The following LIX1 variants were observed in gnomAD, a reference collection of about 807,000 sequenced individuals.
The protein encoded by LIX1 is protein limb expression 1 homolog.
A neutral mutation model predicts 33.4 loss-of-function variants in LIX1; 24 were observed. That is an observed-to-expected ratio of 0.72 (90% CI 0.52 to 1.01). The LOEUF is 1.01. LIX1 is among the 50% of genes least tolerant of loss of function. The pLI is 0.00. For missense variants in LIX1, 311 were observed against 339.2 expected (o/e 0.92, Z 0.65); for synonymous variants, 124 against 124.0 (o/e 1.00, Z 0.00).
At chr5:97,141,871 A>T (rs947652415) in intron 1 of LIX1, among the ~76,000 whole-genome samples, 2 of 152,090 alleles carry the variant, frequency 1.3e-5, no homozygotes, top group East Asian at 1.9e-4. Context: ...TTAAATCATT[A>T]AAAAAAAGAT....
chr5:97,096,489 C>T lies in LIX1; in HGVS notation c.561+321G>A, dbSNP rs1746380802. On this transcript the variant is annotated intron_variant, in intron 5 of 5. Transcript: ENST00000274382. Reference sequence around the variant, plus strand: ...GCCTCAGAAGGTACAAGAGGGCACACATTCCAAGGAGGCAGGGGAGGTGTA... The same window carrying T: ...GCCTCAGAAGGTACAAGAGGGCACATATTCCAAGGAGGCAGGGGAGGTGTA... Among the ~76,000 whole-genome samples, 5 of 152,316 alleles carry T rather than the reference C, an allele frequency of 3.3e-5. No individual in the cohort carries two copies. The South Asian group carries it at 1.0e-3, about 32-fold the overall frequency.
At chr5:97,131,505 G>C (rs1748056119) in intron 1 of LIX1, among the ~76,000 whole-genome samples, 1 of 152,062 alleles carries the variant, frequency 6.6e-6, no homozygotes, top group Admixed American at 6.6e-5. Flanking sequence ...AATGTATCCA[G>C]TCAGACTTGG....
intron 1 of LIX1, among the ~76,000 whole-genome samples, chr5:97,131,800 C>T (rs772702145): frequency 6.6e-6 from 1 of 152,210 alleles, no homozygotes; most frequent in African/African-American, 2.4e-5. Flanking sequence ...TGATCCACAG[C>T]GTGGTCAGGA....
intron 2 of LIX1, among the ~76,000 whole-genome samples, chr5:97,113,935 C>T (rs1747547179): frequency 6.6e-6 from 1 of 152,158 alleles, no homozygotes; most frequent in South Asian, 2.1e-4. Flanking sequence ...TCACTGAGGA[C>T]AGGAATATGC....
chr5:97,103,154 G>T (rs1048679866), intron 4 of LIX1: 11 of 429,350 alleles, frequency 2.6e-5, no homozygotes, highest in South Asian at 1.7e-4. Context: ...CTTTTTAAAA[G>T]TATTATTCCT....
rs141496249 is a variant in LIX1 at position 97,102,727 on chromosome 5, GA to G, written c.483+2462del. Among the ~76,000 whole-genome samples, 511 of 148,778 alleles carry G rather than the reference GA, an allele frequency of 3.4e-3. 12 individuals are homozygous for G. Among genetic ancestry groups the G allele is most frequent in the Admixed American group, 0.03 (447 of 14,964 alleles). On this transcript the variant is annotated intron_variant, in intron 4 of 5. Transcript: ENST00000274382. ...TCATAGTACTTGGAAGGAATTTTAA[GA>G]CTTTTTTTTTTTTTTTAAATCTCAC...
intron 1 of LIX1, among the ~76,000 whole-genome samples, chr5:97,142,152 T>C (rs1748304103): frequency 6.6e-6 from 1 of 152,232 alleles, no homozygotes; most frequent in African/African-American, 2.4e-5. Context: ...TATTCTAGTA[T>C]CATTTCCAAA....
intron 2 of LIX1, among the ~76,000 whole-genome samples, chr5:97,115,994 G>A (rs1038903706): frequency 2.0e-5 from 3 of 152,072 alleles, no homozygotes; most frequent in African/African-American, 7.2e-5. Context: ...AAATCCTATC[G>A]GCTGTTAGGT....
chr5:97,138,272 T>A (rs1748211516), intron 1 of LIX1, among the ~76,000 whole-genome samples: 1 of 152,226 alleles, frequency 6.6e-6, no homozygotes, highest in South Asian at 2.1e-4. Flanking sequence ...ACAGTGACAA[T>A]TAAGATACTT....
chr5:97,094,462 T>G lies in LIX1; in HGVS notation c.*286A>C. The G allele has an allele frequency of 2.5e-6, 1 of 402,584 alleles. No individual in the cohort carries two copies. 24.9% of individuals were successfully genotyped at this position (402,584 alleles called of 1,614,324 possible). ...AAGCAAGGCACGTGACAGTCAGGCT[T>G]TAGGTTGGAGCCAGGCCTGGAAAAT... On this transcript the variant is annotated 3_prime_UTR_variant, in exon 6 of 6. Transcript: ENST00000274382.
chr5:97,122,066 C>T (rs1206037869), intron 2 of LIX1, among the ~76,000 whole-genome samples: 1 of 152,172 alleles, frequency 6.6e-6, no homozygotes, highest in Non-Finnish European at 1.5e-5. Context: ...TTACATCAAG[C>T]TCTGTTCTGA....
intron 3 of LIX1, 41 bp downstream of exon 3, chr5:97,107,319 C>T: frequency 6.3e-7 from 1 of 1,577,812 alleles, no homozygotes; most frequent in South Asian, 1.2e-5. Flanking sequence ...CTTCAGAATT[C>T]TCAGTGCAGC....
chr5:97,131,091 T>G (rs1017762057), intron 1 of LIX1, among the ~76,000 whole-genome samples: 12 of 152,200 alleles, frequency 7.9e-5, no homozygotes, highest in Non-Finnish European at 1.3e-4. Flanking sequence ...TCTTTTATTA[T>G]AAAGGTCAGC....
intron 1 of LIX1, among the ~76,000 whole-genome samples, chr5:97,128,011 CA>C (rs1349854427): frequency 1.3e-5 from 2 of 152,114 alleles, no homozygotes; most frequent in Non-Finnish European, 2.9e-5. Context: ...AAAGTGTGCT[CA>C]AAACAACTAT....
intron 3 of LIX1, 149 bp from the exon 4 acceptor site, chr5:97,105,434 G>C: frequency 1.6e-6 from 1 of 611,610 alleles, no homozygotes; most frequent in South Asian, 2.1e-5. Context: ...AGATTTGAGA[G>C]TTTTGTCATC....
intron 2 of LIX1, among the ~76,000 whole-genome samples, chr5:97,119,285 A>G (rs1347624124): frequency 6.6e-6 from 1 of 152,216 alleles, no homozygotes; most frequent in Non-Finnish European, 1.5e-5. Context: ...ATGATTTGTA[A>G]TGCACAGGGG....
intron 1 of LIX1, among the ~76,000 whole-genome samples, chr5:97,141,678 T>C (rs1748292578): frequency 6.6e-6 from 1 of 152,174 alleles, no homozygotes. Flanking sequence ...TCCATATGCA[T>C]TTTACCTTTT....
At position 97,095,013 on chromosome 5, in the gene LIX1, T is replaced by C. The variant is rs1259651493; in HGVS notation, c.584A>G (p.Gln195Arg). The part of the protein sequence containing the change: ...SRQEVISYYS[Q>R]YSLDEKMRSH... ...GCGCATCTTTTCATCTAGAGAATAC[T>C]GAGAATAGTAGGAGATGACTTCCTG... The change falls in exon 6 of 6, where the codon CAG (glutamine) becomes CGG (arginine). Residue 195 changes from glutamine to arginine, a missense_variant. Coordinates refer to ENST00000274382, the MANE Select transcript of LIX1 (RefSeq NM_153234.5). 1 of 1,613,988 alleles carries C rather than the reference T, an allele frequency of 6.2e-7. No individual in the cohort carries two copies. Among genetic ancestry groups the C allele is most frequent in the Admixed American group, 1.7e-5 (1 of 60,000 alleles).
chr5:97,110,506 T>G (rs1047123026), intron 2 of LIX1, among the ~76,000 whole-genome samples: 5 of 152,196 alleles, frequency 3.3e-5, no homozygotes, highest in African/African-American at 1.2e-4. Flanking sequence ...TGGCGTGATC[T>G]TGGCTACCTA....
Sources: gnomAD v4.1 joint callset for allele counts (sites outside exome capture counted in the v4.1 genomes callset) on GRCh38, gnomAD v4.1.1 for gene constraint, MANE v1.5 for transcripts, NCBI Gene and HGNC (gene_info 2026-07-23, HGNC 2026-07-21) for gene names.